ARHGAP10: variants seen among roughly 807,000 people sequenced by gnomAD.
ARHGAP10 encodes the protein Rho GTPase activating protein 10, also known as rho GTPase-activating protein 10.
ARHGAP10 carries 87 observed loss-of-function variants against 108.6 expected under a neutral mutation model. That is an observed-to-expected ratio of 0.80 (90% CI 0.67 to 0.96). The LOEUF (loss-of-function observed/expected upper bound fraction) is 0.96, where lower values mean the gene tolerates loss of function less well. Ranked by LOEUF, ARHGAP10 falls within the 40% of genes least tolerant of loss-of-function variation. The probability of loss-of-function intolerance (pLI) is 0.00; values close to 1 mark genes in which losing one functional copy is unlikely to be tolerated. For synonymous variants in ARHGAP10, 347 were observed against 341.1 expected (o/e 1.02, Z -0.19); for missense variants, 939 against 954.5 (o/e 0.98, Z 0.21).
chr4:148,047,458 A>G (rs1459032427), intron 20 of ARHGAP10, among the ~76,000 whole-genome samples: 2 of 152,262 alleles, frequency 1.3e-5, no homozygotes, highest in African/African-American at 4.8e-5. Flanking sequence ...TTCTGAGAGC[A>G]TTATGCTAGC....
intron 19 of ARHGAP10, among the ~76,000 whole-genome samples, chr4:148,024,688 C>A (rs1013452525): frequency 6.6e-6 from 1 of 152,154 alleles, no homozygotes; most frequent in Admixed American, 6.5e-5. Flanking sequence ...TCAGAACTTC[C>A]TTTTAGACAC....
chr4:147,759,590 C>G (rs537953772), intron 1 of ARHGAP10, among the ~76,000 whole-genome samples: 71 of 151,718 alleles, frequency 4.7e-4, no homozygotes, highest in African/African-American at 1.6e-3. Context: ...GCCCCCCCCC[C>G]CCTTTAAAAA....
intron 4 of ARHGAP10, among the ~76,000 whole-genome samples, chr4:147,852,651 T>A (rs1441826525): frequency 1.3e-5 from 2 of 151,594 alleles, no homozygotes; most frequent in African/African-American, 2.4e-5. Context: ...ATGGGCCGAT[T>A]GACGTAAACA....
rs112959446 is a variant in ARHGAP10, at chr4:147,926,767, A to T, written c.1229-13058A>T. Among the ~76,000 whole-genome samples the T allele has an allele frequency of 3.8e-3, 579 of 152,294 alleles. 2 individuals are homozygous for T. The highest frequency in any genetic ancestry group is 0.017 in the Middle Eastern group (5 of 294). On this transcript the variant is annotated intron_variant, in intron 13 of 22. Coordinates refer to ENST00000336498, the MANE Select transcript of ARHGAP10 (RefSeq NM_024605.4). The stretch of plus-strand genomic sequence containing the variant: ...AGGCGAAGGAAGAAGGATGGTTGTA[A>T]GGGAATCCATAAGAGGGGAGATTCC...
intron 3 of ARHGAP10, among the ~76,000 whole-genome samples, chr4:147,834,808 C>A (rs1196136283): frequency 7.1e-6 from 1 of 141,350 alleles, no homozygotes; most frequent in African/African-American, 2.6e-5. Flanking sequence ...CTGTCTCCTT[C>A]CCCTGGGTCA....
rs1004005954 is a variant in ARHGAP10 at position 148,071,354 on chromosome 4, G to A, written c.2273-639G>A. 4.6e-5 allele frequency among the ~76,000 whole-genome samples: 7 copies of A among 152,216 alleles called. No homozygotes were observed. The East Asian group carries it at 5.8e-4, about 13-fold the overall frequency. ...TTTGAGGCTGGGAGTGGTGGCTCAC[G>A]CCTGTAATCCCAGCACTCTGGGGGG... is the stretch of plus-strand genomic sequence containing the variant. On this transcript the variant is annotated intron_variant, in intron 22 of 22. Coordinates refer to ENST00000336498, the MANE Select transcript of ARHGAP10 (RefSeq NM_024605.4).
chr4:147,751,368 G>T (rs1056481171), intron 1 of ARHGAP10, among the ~76,000 whole-genome samples: 8 of 142,202 alleles, frequency 5.6e-5, no homozygotes, highest in South Asian at 2.3e-4. Flanking sequence ...AATAGTTGTT[G>T]TTTTTTTTTT....
intron 1 of ARHGAP10, among the ~76,000 whole-genome samples, chr4:147,803,979 G>T (rs1453953516): frequency 1.3e-5 from 2 of 151,028 alleles, no homozygotes; most frequent in Non-Finnish European, 2.9e-5. Flanking sequence ...GGATCATATG[G>T]TAGTTGTATT....
chr4:147,934,092 G>A (rs1029064373), intron 13 of ARHGAP10, among the ~76,000 whole-genome samples: 3 of 152,250 alleles, frequency 2.0e-5, no homozygotes, highest in Non-Finnish European at 4.4e-5. Flanking sequence ...CACAGGGCAA[G>A]TCTCAGGTTC....
At chr4:147,955,682 A>G (rs983574778) in intron 16 of ARHGAP10, among the ~76,000 whole-genome samples, 8 of 152,164 alleles carry the variant, frequency 5.3e-5, no homozygotes, top group Admixed American at 1.3e-4. Flanking sequence ...TTATACTACA[A>G]AATGTACAAT....
At position 147,765,274 on chromosome 4, in the gene ARHGAP10, C is replaced by CA. The variant is rs1166671674; in HGVS notation, c.154+32819_154+32820insA. ...ACAGCCAGGTGTTTCCAATATCATA[C>CA]CTGGAAATATAAAGTACACATTAGA... On this transcript the variant is annotated intron_variant, in intron 1 of 22. Coordinates refer to ENST00000336498, the MANE Select transcript of ARHGAP10 (RefSeq NM_024605.4). Among the ~76,000 whole-genome samples the CA allele has an allele frequency of 4.9e-5, 7 of 143,450 alleles. No individual in the cohort carries two copies. In the Admixed American group the frequency reaches 5.1e-4, roughly 10 times the overall value. The allele number at this position is 143,450 out of a possible 152,430, so 94.1% of individuals were successfully genotyped here.
intron 3 of ARHGAP10, among the ~76,000 whole-genome samples, chr4:147,842,537 G>A (rs1416977407): frequency 1.3e-5 from 2 of 152,084 alleles, no homozygotes; most frequent in African/African-American, 2.4e-5. Flanking sequence ...GCCTTGTCTC[G>A]TGATCCTCTC....
At chr4:147,868,705 C>T (rs1382994426) in intron 7 of ARHGAP10, among the ~76,000 whole-genome samples, 1 of 152,214 alleles carries the variant, frequency 6.6e-6, no homozygotes. Flanking sequence ...GGGATGGTTT[C>T]GTGATGAAAC....
chr4:148,018,136 A>G (rs986907146), intron 18 of ARHGAP10, among the ~76,000 whole-genome samples: 5 of 152,180 alleles, frequency 3.3e-5, no homozygotes, highest in Admixed American at 3.3e-4. Context: ...TGTTGTAAAT[A>G]CGTAGGTGCT....
chr4:147,890,477 C>G (rs140940392), intron 10 of ARHGAP10, among the ~76,000 whole-genome samples: 9 of 152,166 alleles, frequency 5.9e-5, no homozygotes, highest in Non-Finnish European at 8.8e-5. Context: ...AATATATAGA[C>G]AAATAACAAT....
At chr4:148,005,659 G>T (rs544910593) in intron 18 of ARHGAP10, among the ~76,000 whole-genome samples, 1 of 152,290 alleles carries the variant, frequency 6.6e-6, no homozygotes, top group South Asian at 2.1e-4. Flanking sequence ...GAGGGACCAG[G>T]TTTTAATTTG....
intron 8 of ARHGAP10, among the ~76,000 whole-genome samples, chr4:147,878,772 C>CTT (rs1358773366): frequency 1.4e-5 from 2 of 140,212 alleles, no homozygotes; most frequent in Admixed American, 7.1e-5. Context: ...TTCCTTCTTC[C>CTT]TCTTTTTTTT....
rs549199824 is a variant in ARHGAP10, at chr4:147,841,106, G to A, written c.313-6045G>A. 2.0e-4 allele frequency among the ~76,000 whole-genome samples: 30 copies of A among 152,384 alleles called. No homozygotes were observed. The South Asian group carries it at 5.6e-3, about 28-fold the overall frequency. On this transcript the variant is annotated intron_variant, in intron 3 of 22. Coordinates refer to ENST00000336498, the MANE Select transcript of ARHGAP10 (RefSeq NM_024605.4). ...GCAGAGATGAGTAGTTGGAACTGCA[G>A]CTGCATGGCTGCAAAGCCTAAATTA... is the stretch of plus-strand genomic sequence containing the variant.
chr4:148,036,839 T>C (rs539877113), intron 19 of ARHGAP10, among the ~76,000 whole-genome samples: 13 of 152,326 alleles, frequency 8.5e-5, no homozygotes, highest in African/African-American at 2.9e-4. Flanking sequence ...CTGTGTGTAC[T>C]GGTCATTCCA....
Sources: allele counts gnomAD v4.1 joint callset (sites outside exome capture counted in the v4.1 genomes callset), GRCh38; gene constraint gnomAD v4.1.1; transcripts MANE v1.5; gene names NCBI Gene and HGNC (gene_info 2026-07-23, HGNC 2026-07-21).